Variants in PDCD6IP observed in about 807,000 individuals in gnomAD.
PDCD6IP encodes the protein programmed cell death 6-interacting protein.
PDCD6IP carries 43 observed loss-of-function variants against 103.7 expected under a neutral mutation model. The ratio of observed to expected loss-of-function variants is 0.41; its 90% confidence interval spans 0.32 to 0.53. The LOEUF (loss-of-function observed/expected upper bound fraction) is 0.53, where lower values mean the gene tolerates loss of function less well. Among genes scored for constraint, PDCD6IP ranks in the 20% least tolerant of loss-of-function variants. The probability of loss-of-function intolerance (pLI) is 0.16; values close to 1 mark genes in which losing one functional copy is unlikely to be tolerated. For missense variants in PDCD6IP, 871 were observed against 1,036.7 expected, an observed-to-expected ratio of 0.84 and a Z score of 2.20; for synonymous variants, 354 against 378.7, an observed-to-expected ratio of 0.93 and a Z score of 0.76.
At position 33,834,856 on chromosome 3, in the gene PDCD6IP, G is replaced by A. The variant is rs186279744; in HGVS notation, c.835-1188G>A. Among the ~76,000 whole-genome samples the A allele has an allele frequency of 7.9e-5, 12 of 152,088 alleles. No homozygotes were observed. The East Asian group carries it at 2.3e-3, about 29-fold the overall frequency. On this transcript the variant is annotated intron_variant, in intron 7 of 17. Transcript: ENST00000307296. ...GTGGAGTCTAGTGTTCTCTATGTCT[G>A]GTAAACCAAACTCGTTAATTGTGTT...
intron 3 of PDCD6IP, among the ~76,000 whole-genome samples, chr3:33,821,254 C>T (rs1432533627): frequency 1.3e-5 from 2 of 151,698 alleles, no homozygotes; most frequent in Non-Finnish European, 2.9e-5. Context: ...AAGAGATCCT[C>T]CTGCCTCAGC....
chr3:33,823,137 T>G (rs1275944302), intron 4 of PDCD6IP, among the ~76,000 whole-genome samples: 1 of 152,218 alleles, frequency 6.6e-6, no homozygotes, highest in Non-Finnish European at 1.5e-5. Flanking sequence ...TCATATAATG[T>G]CATTCCGATT....
chr3:33,802,228 G>C (rs932458874), intron 1 of PDCD6IP, among the ~76,000 whole-genome samples: 4 of 152,076 alleles, frequency 2.6e-5, no homozygotes, highest in Non-Finnish European at 5.9e-5. Flanking sequence ...CACGGGGCTC[G>C]CCCTTTAGGG....
chr3:33,852,373 C>T (rs575493530), intron 12 of PDCD6IP, 115 bp from the exon 13 acceptor site: 2 of 1,419,566 alleles, frequency 1.4e-6, no homozygotes, highest in East Asian at 2.6e-5. Context: ...ATTTGGCTCT[C>T]TGAGAAATCA....
At chr3:33,801,637 C>CAA (rs746361445) in intron 1 of PDCD6IP, among the ~76,000 whole-genome samples, 7 of 144,698 alleles carry the variant, frequency 4.8e-5, no homozygotes, top group Admixed American at 3.5e-4. Context: ...CAAAACAAAA[C>CAA]AACAACAACA....
At chr3:33,811,212 G>T in intron 1 of PDCD6IP, 1 of 213,404 alleles carries the variant, frequency 4.7e-6, no homozygotes, top group Non-Finnish European at 1.0e-5. Flanking sequence ...CTCTGACCTT[G>T]GGAAACTTGG....
chr3:33,808,643 T>G (rs895215284), intron 1 of PDCD6IP, among the ~76,000 whole-genome samples: 1 of 152,208 alleles, frequency 6.6e-6, no homozygotes, highest in African/African-American at 2.4e-5. Flanking sequence ...CATCATCTCT[T>G]GACTGGATTA....
At chr3:33,829,449 C>G (rs531511450) in intron 7 of PDCD6IP, among the ~76,000 whole-genome samples, 2 of 152,100 alleles carry the variant, frequency 1.3e-5, no homozygotes, top group African/African-American at 4.8e-5. Flanking sequence ...CATATACTTC[C>G]ACAACTTGAG....
intron 8 of PDCD6IP, among the ~76,000 whole-genome samples, chr3:33,836,928 C>CT (rs938382956): frequency 5.8e-4 from 83 of 143,382 alleles, no homozygotes; most frequent in African/African-American, 1.4e-3. Flanking sequence ...TTTTTCTTTT[C>CT]TTTTTTTTTT....
At chr3:33,863,847 T>A in intron 15 of PDCD6IP, 159 bp from the exon 16 acceptor site, 1 of 611,840 alleles carries the variant, frequency 1.6e-6, no homozygotes, top group South Asian at 2.1e-5. Flanking sequence ...CTGTTTTCCA[T>A]AGTCACTGTA....
At position 33,798,690 on chromosome 3, in the gene PDCD6IP, G is replaced by C. The variant is rs747888688; in HGVS notation, c.-39G>C. ...TCTCCTCGGCCCTCGTAAGCTGTCC[G>C]CGGTCTGTTTGGCCCGAACGGCGGC... is the stretch of plus-strand genomic sequence containing the variant. On this transcript the variant is annotated 5_prime_UTR_variant, in exon 1 of 18. Coordinates refer to ENST00000307296, the MANE Select transcript of PDCD6IP (RefSeq NM_013374.6). 6.7e-7 allele frequency: 1 copy of C among 1,497,338 alleles called. No individual in the cohort carries two copies. The highest frequency in any genetic ancestry group is 1.3e-5 in the South Asian group (1 of 77,778). The allele number at this position is 1,497,338 out of a possible 1,614,324, so 92.8% of individuals were successfully genotyped here.
intron 2 of PDCD6IP, among the ~76,000 whole-genome samples, chr3:33,812,764 A>G (rs908069257): frequency 2.0e-5 from 3 of 152,132 alleles, no homozygotes; most frequent in South Asian, 2.1e-4. Flanking sequence ...ATATTCCTGG[A>G]AAAAAAGTGT....
intron 12 of PDCD6IP, among the ~76,000 whole-genome samples, chr3:33,847,883 C>G (rs1379356961): frequency 1.3e-5 from 2 of 151,958 alleles, no homozygotes; most frequent in African/African-American, 2.4e-5. Context: ...GGGGCTGAGT[C>G]TAGCCAGAGG....
chr3:33,821,844 T>G, intron 3 of PDCD6IP, 111 bp from the exon 4 acceptor site: 1 of 1,023,166 alleles, frequency 9.8e-7, no homozygotes, highest in Non-Finnish European at 1.4e-6. Context: ...TCTGGAAACT[T>G]GTTTTTGTGA....
At chr3:33,823,194 A>G (rs1008238656) in intron 4 of PDCD6IP, among the ~76,000 whole-genome samples, 3 of 152,154 alleles carry the variant, frequency 2.0e-5, no homozygotes, top group African/African-American at 4.8e-5. Context: ...AAAGCAGTCT[A>G]TTTGGGTTTC....
intron 1 of PDCD6IP, among the ~76,000 whole-genome samples, chr3:33,805,165 G>A (rs1372288746): frequency 2.0e-5 from 3 of 151,978 alleles, no homozygotes; most frequent in African/African-American, 7.3e-5. Flanking sequence ...GATTAGCCTG[G>A]CCAAAATGGT....
At chr3:33,812,270 C>T (rs1696736531) in intron 2 of PDCD6IP, 144 bp downstream of exon 2, 6 of 1,254,822 alleles carry the variant, frequency 4.8e-6, no homozygotes, top group African/African-American at 1.6e-5. Flanking sequence ...ATATGTGCTT[C>T]TGAAGAAAGA....
In PDCD6IP at chr3:33,798,905, C is replaced by G. The variant is rs957504102; in HGVS notation, c.177C>G (p.Asp59Glu). 27 of 1,544,354 alleles carry G rather than the reference C, an allele frequency of 1.7e-5. No individual in the cohort carries two copies. The African/African-American group carries it at 3.2e-4, about 18-fold the overall frequency. ...GCGCCGCAGTCGGTCGTCCGCTGGA[C>G]AAGCACGAGGGCGCGCTCGAGACGC... ...LRRAAVGRPL[D>E]KHEGALETLL... The change falls in exon 1 of 18, where the codon GAC becomes GAG. Residue 59 changes from aspartate to glutamate, a missense_variant. By Grantham distance (45) the Asp-to-Glu change is conservative (BLOSUM62 2). Transcript: ENST00000307296.
At chr3:33,817,752 C>G (rs1310860999) in intron 3 of PDCD6IP, among the ~76,000 whole-genome samples, 1 of 141,572 alleles carries the variant, frequency 7.1e-6, no homozygotes, top group Non-Finnish European at 1.5e-5. Flanking sequence ...CACCTTGTCT[C>G]AAAAGAAAAA....
Sources: allele counts gnomAD v4.1 joint callset (sites outside exome capture counted in the v4.1 genomes callset), GRCh38; gene constraint gnomAD v4.1.1; transcripts MANE v1.5; gene names NCBI Gene and HGNC (gene_info 2026-07-23, HGNC 2026-07-21).